Variants in PLCE1 observed in about 807,000 individuals in gnomAD.
PLCE1 encodes the protein phospholipase C epsilon 1.
A neutral mutation model predicts 242.8 loss-of-function variants in PLCE1; 119 were observed. The ratio of observed to expected loss-of-function variants is 0.49; its 90% CI spans 0.42 to 0.57. The LOEUF is 0.57. PLCE1 is among the 20% of genes least tolerant of loss of function. PLCE1 has a pLI of 0.00. For missense variants in PLCE1, 2,441 were observed against 2,788.8 expected, an observed-to-expected ratio of 0.88 and a Z score of 2.81; for synonymous variants, 945 against 1,017.4, an observed-to-expected ratio of 0.93 and a Z score of 1.35.
rs948011318 is a variant in PLCE1, at chr10:94,328,991, G to C, written c.*1048G>C. 1.3e-5 allele frequency: 2 copies of C among 152,090 alleles called. No homozygotes were observed. The highest frequency in any genetic ancestry group is 4.8e-5 in the African/African-American group (2 of 41,424). The allele number at this position is 152,090 out of a possible 1,614,324, so 9.4% of individuals were successfully genotyped here. A position where few individuals can be genotyped will look rare whatever the true frequency, so the allele number is the denominator to read the frequency against. On this transcript the variant is annotated 3_prime_UTR_variant, in exon 33 of 33. Transcript: ENST00000371380. ...GTTGGCGTTTAAATTTATTTTGCAAGGTTTGTACTGACACTATACTTATAT... is the reference window on the plus strand; with the variant it reads ...GTTGGCGTTTAAATTTATTTTGCAACGTTTGTACTGACACTATACTTATAT...
intron 27 of PLCE1, among the ~76,000 whole-genome samples, chr10:94,310,097 A>AT (rs1194556407): frequency 1.3e-5 from 2 of 152,246 alleles, no homozygotes; most frequent in Non-Finnish European, 2.9e-5. Flanking sequence ...TTAAACATAC[A>AT]TTTTAAAAGT....
chr10:94,013,713 T>G (rs1425125620), intron 1 of PLCE1, among the ~76,000 whole-genome samples: 3 of 152,172 alleles, frequency 2.0e-5, no homozygotes, highest in African/African-American at 4.8e-5. Context: ...TAATTTCCAG[T>G]GGTGGTGCAT....
intron 2 of PLCE1, among the ~76,000 whole-genome samples, chr10:94,071,865 T>C (rs1190009175): frequency 6.6e-6 from 1 of 152,078 alleles, no homozygotes; most frequent in East Asian, 1.9e-4. Flanking sequence ...TTTGGCCCTG[T>C]CCTCTCTCTT....
At chr10:94,325,978 A>AACTG (rs2054001855) in intron 32 of PLCE1, among the ~76,000 whole-genome samples, 1 of 152,212 alleles carries the variant, frequency 6.6e-6, no homozygotes, top group South Asian at 2.1e-4. Flanking sequence ...AAATGCAGTA[A>AACTG]ACTGACTGCT....
At position 94,331,486 on chromosome 10, in the gene PLCE1, T is replaced by C. The variant is rs543214160; in HGVS notation, c.*3543T>C. 6.6e-6 allele frequency: 1 copy of C among 152,348 alleles called. No individual in the cohort carries two copies. Among genetic ancestry groups the C allele is most frequent in the African/African-American group, 2.4e-5 (1 of 41,586 alleles). The allele number at this position is 152,348 out of a possible 1,614,324, so 9.4% of individuals were successfully genotyped here. A position where few individuals can be genotyped will look rare whatever the true frequency, so the allele number is the denominator to read the frequency against. On this transcript the variant is annotated 3_prime_UTR_variant, in exon 33 of 33. Coordinates refer to ENST00000371380, the MANE Select transcript of PLCE1 (RefSeq NM_016341.4). ...TCTAAAACACAAAACTCCACATCTA[T>C]GCTCCCATGCTAGTAAAGAAGAGTA...
intron 32 of PLCE1, among the ~76,000 whole-genome samples, chr10:94,327,333 G>T (rs563787579): frequency 6.6e-6 from 1 of 152,206 alleles, no homozygotes; most frequent in East Asian, 1.9e-4. Flanking sequence ...AGTGGCTCAT[G>T]CCTGTAATCC....
Position 94,164,075 on chromosome 10 carries a change from G to T in PLCE1, c.1493-7105G>T, listed in dbSNP as rs560942361. 2.0e-5 allele frequency among the ~76,000 whole-genome samples: 3 copies of T among 152,234 alleles called. No individual in the cohort carries two copies. In the East Asian group the frequency reaches 5.8e-4, roughly 29 times the overall value. ...GGTAACCCGACCTTTCTCTCTGGCT[G>T]CCCTTAACATTTTTTCCTTCATTTC... On this transcript the variant is annotated intron_variant, in intron 3 of 32. Transcript: ENST00000371380.
intron 3 of PLCE1, among the ~76,000 whole-genome samples, chr10:94,166,555 A>T (rs2047808717): frequency 6.7e-6 from 1 of 149,874 alleles, no homozygotes; most frequent in Non-Finnish European, 1.5e-5. Flanking sequence ...CTTCAACTCC[A>T]TTCTCTACCC....
intron 2 of PLCE1, among the ~76,000 whole-genome samples, chr10:94,112,318 A>T (rs1193374080): frequency 2.0e-5 from 3 of 152,246 alleles, no homozygotes; most frequent in African/African-American, 4.8e-5. Flanking sequence ...AATGATATGA[A>T]ATTTTGATTT....
intron 11 of PLCE1, among the ~76,000 whole-genome samples, chr10:94,258,049 C>CTGAT (rs1457773983): frequency 6.6e-6 from 1 of 152,150 alleles, no homozygotes; most frequent in Non-Finnish European, 1.5e-5. Context: ...TCTGAGTTGA[C>CTGAT]TGATATTTCT....
chr10:94,259,339 A>C (rs932756842), intron 13 of PLCE1, among the ~76,000 whole-genome samples, 189 bp downstream of exon 13: 1 of 150,738 alleles, frequency 6.6e-6, no homozygotes, highest in Admixed American at 6.6e-5. Flanking sequence ...GCTGGAGTGC[A>C]GTGGTGCAAT....
rs185616465 is a variant in PLCE1, at chr10:94,115,337, T to C, written c.1207-16837T>C. Reference sequence around the variant, plus strand: ...TTCTAGTTCTAGATCCCTGAGGAATTGCCACACTGTCTTCCACAATGGTTG... The same window carrying C: ...TTCTAGTTCTAGATCCCTGAGGAATCGCCACACTGTCTTCCACAATGGTTG... On this transcript the variant is annotated intron_variant, in intron 2 of 32. Transcript: ENST00000371380. Among the ~76,000 whole-genome samples, 222 of 152,314 alleles carry C rather than the reference T, an allele frequency of 1.5e-3. 1 individual carries two copies. The highest frequency in any genetic ancestry group is 2.6e-3 in the Non-Finnish European group (177 of 68,026).
chr10:94,106,943 T>TCTCTCTCTCTC (rs1222191133), intron 2 of PLCE1: 1 of 122,492 alleles, frequency 8.2e-6, no homozygotes, highest in Non-Finnish European at 1.7e-5. Context: ...TCTCTCTCTC[T>TCTCTCTCTCTC]CCCCCTCCCC....
chr10:94,296,118 T>A (rs1326780344), intron 23 of PLCE1, among the ~76,000 whole-genome samples: 1 of 152,074 alleles, frequency 6.6e-6, no homozygotes, highest in Non-Finnish European at 1.5e-5. Context: ...ATCCCAGCAC[T>A]TTGGGAGGCT....
chr10:94,010,442 T>C (rs2061147366), intron 1 of PLCE1, among the ~76,000 whole-genome samples: 1 of 152,222 alleles, frequency 6.6e-6, no homozygotes, highest in South Asian at 2.1e-4. Flanking sequence ...CTTTTAGTCA[T>C]GTCAATCTCT....
At chr10:94,177,467 T>A (rs1001285963) in intron 4 of PLCE1, among the ~76,000 whole-genome samples, 1 of 152,230 alleles carries the variant, frequency 6.6e-6, no homozygotes, top group Non-Finnish European at 1.5e-5. Flanking sequence ...AACGTAGGCT[T>A]CATCCTGCTT....
intron 2 of PLCE1, among the ~76,000 whole-genome samples, chr10:94,078,510 C>T (rs1250539345): frequency 6.6e-6 from 1 of 150,708 alleles, no homozygotes; most frequent in Non-Finnish European, 1.5e-5. Flanking sequence ...TTTTTTGAGA[C>T]AGAGTCTCGC....
At chr10:94,287,264 C>G (rs1331299049) in intron 22 of PLCE1, 1 of 152,040 alleles carries the variant, frequency 6.6e-6, no homozygotes, top group Non-Finnish European at 1.5e-5. Flanking sequence ...TATTTCCTGT[C>G]TCAAAATAGC....
At chr10:94,263,779 ATAT>A (rs2051403560) in intron 14 of PLCE1, among the ~76,000 whole-genome samples, 2 of 152,008 alleles carry the variant, frequency 1.3e-5, no homozygotes, top group African/African-American at 4.8e-5. Context: ...TTTCTTTAAC[ATAT>A]TATATGTTCT....
Sources: gnomAD v4.1 joint callset for allele counts (sites outside exome capture counted in the v4.1 genomes callset) on GRCh38, gnomAD v4.1.1 for gene constraint, MANE v1.5 for transcripts, NCBI Gene and HGNC (gene_info 2026-07-23, HGNC 2026-07-21) for gene names.